Variants in DPP6 observed in about 807,000 individuals in gnomAD.
DPP6 encodes the protein A-type potassium channel modulatory protein DPP6.
DPP6 carries 69 observed loss-of-function variants against 122.6 expected under a neutral mutation model. The observed-to-expected ratio is 0.56, with a 90% CI of 0.46 to 0.69. DPP6 has a LOEUF of 0.69. DPP6 is among the 30% of genes least tolerant of loss of function. DPP6 has a pLI of 0.00. For missense variants in DPP6, 928 were observed against 1,116.9 expected (o/e 0.83, Z 2.41); for synonymous variants, 418 against 433.1 (o/e 0.97, Z 0.43).
At chr7:154,194,310 T>C (rs1316132831) in intron 1 of DPP6, among the ~76,000 whole-genome samples, 1 of 152,158 alleles carries the variant, frequency 6.6e-6, no homozygotes, top group African/African-American at 2.4e-5. Context: ...TAGAAGGGAA[T>C]TATCATAAAA....
At chr7:154,218,005 C>G (rs1349959055) in intron 1 of DPP6, among the ~76,000 whole-genome samples, 3 of 152,190 alleles carry the variant, frequency 2.0e-5, no homozygotes, top group African/African-American at 4.8e-5. Flanking sequence ...CCTTATTTCT[C>G]TCAGCATCCT....
chr7:153,905,034 G>GA (rs1355933942), intron 1 of DPP6, among the ~76,000 whole-genome samples: 1 of 152,240 alleles, frequency 6.6e-6, no homozygotes, highest in African/African-American at 2.4e-5. Context: ...CAGTGAGGGG[G>GA]AAAGCCCAGT....
chr7:154,834,857 C>T (rs943140844), intron 16 of DPP6, among the ~76,000 whole-genome samples: 5 of 152,190 alleles, frequency 3.3e-5, no homozygotes, highest in Admixed American at 1.3e-4. Flanking sequence ...GAGAAAGACT[C>T]TAGGAGACAC....
At chr7:154,217,852 C>G (rs952660211) in intron 1 of DPP6, among the ~76,000 whole-genome samples, 2 of 152,158 alleles carry the variant, frequency 1.3e-5, no homozygotes, top group Non-Finnish European at 2.9e-5. Flanking sequence ...GGGCTTGGTT[C>G]CTCCACGCTG....
chr7:154,445,268 C>T (rs7782662), intron 1 of DPP6, among the ~76,000 whole-genome samples: 29,097 of 152,020 alleles, frequency 0.19, 3,926 homozygotes, highest in African/African-American at 0.39. Flanking sequence ...GAAGTGGTCC[C>T]TTTGCAGTGT....
chr7:154,651,068 G>C (rs1212856074), intron 6 of DPP6, among the ~76,000 whole-genome samples: 3 of 152,168 alleles, frequency 2.0e-5, no homozygotes, highest in African/African-American at 4.8e-5. Flanking sequence ...CAGTGTTAAT[G>C]TATGCACTCA....
At chr7:154,435,591 C>A (rs1818795396) in intron 1 of DPP6, among the ~76,000 whole-genome samples, 1 of 152,178 alleles carries the variant, frequency 6.6e-6, no homozygotes, top group African/African-American at 2.4e-5. Context: ...TGTGCACCCC[C>A]CAGGCTCCTG....
intron 1 of DPP6, among the ~76,000 whole-genome samples, chr7:154,151,709 C>G (rs1233922970): frequency 6.6e-6 from 1 of 151,918 alleles, no homozygotes; most frequent in Non-Finnish European, 1.5e-5. Flanking sequence ...CAGCTGGTCT[C>G]CAGTTGGGAC....
At position 154,669,396 on chromosome 7, in the gene DPP6, T is replaced by C; in HGVS notation, c.717T>C (p.Asn239=). ...PQSLDPPEVS[N]AKLQYAGWGP... ...GTCTGGACCCACCAGAAGTCAGCAA[T>C]GCAAAACTTCAGTATGCAGGATGGG... The change falls in exon 7 of 26, where the codon AAT becomes AAC. Residue 239 remains asparagine, a synonymous_variant. Coordinates refer to ENST00000377770, the MANE Select transcript of DPP6 (RefSeq NM_130797.4). The C allele has an allele frequency of 6.4e-7, 1 of 1,557,000 alleles. No individual in the cohort carries two copies. The highest frequency in any genetic ancestry group is 8.7e-7 in the Non-Finnish European group (1 of 1,149,568).
chr7:154,300,105 A>G (rs1467683910), intron 1 of DPP6, among the ~76,000 whole-genome samples: 1 of 152,202 alleles, frequency 6.6e-6, no homozygotes, highest in East Asian at 1.9e-4. Context: ...TTGCTAATAG[A>G]ATTGGGCAAA....
At chr7:154,510,919 C>G (rs554961901) in intron 3 of DPP6, among the ~76,000 whole-genome samples, 14 of 130,370 alleles carry the variant, frequency 1.1e-4, no homozygotes, top group Admixed American at 9.7e-4. Context: ...GACTCTCTTA[C>G]ACATACACAC....
chr7:154,769,542 C>A lies in DPP6; in HGVS notation c.1009C>A (p.Pro337Thr), dbSNP rs752023595. The A allele has an allele frequency of 2.5e-5, 40 of 1,611,654 alleles. No individual in the cohort carries two copies. Among genetic ancestry groups the A allele is most frequent in the Non-Finnish European group, 3.3e-5 (39 of 1,178,568 alleles). Residue 337 changes from proline (P) to threonine (T), a missense_variant, in exon 9 of 26, where the codon CCC (proline) becomes ACC (threonine). Transcript: ENST00000377770. ...CCCAACTTACACCGGCTCCATCTAC[C>A]CCACCGTGAAGCCCTACCACTATCC... ...ELPTYTGSIY[P>T]TVKPYHYPKA...
intron 9 of DPP6, among the ~76,000 whole-genome samples, chr7:154,770,163 C>T (rs1796170692): frequency 6.6e-6 from 1 of 152,084 alleles, no homozygotes. Context: ...TAAGACATAC[C>T]CAAGACTCAG....
At chr7:154,525,923 T>A (rs1827372709) in intron 3 of DPP6, among the ~76,000 whole-genome samples, 2 of 152,222 alleles carry the variant, frequency 1.3e-5, no homozygotes, top group African/African-American at 4.8e-5. Context: ...TTCCTTGATA[T>A]GCTAAAGGGC....
At position 154,874,557 on chromosome 7, in the gene DPP6, C is replaced by G. The variant is rs73728633; in HGVS notation, c.1884-1349C>G. On this transcript the variant is annotated intron_variant, in intron 19 of 25. Coordinates refer to ENST00000377770, the MANE Select transcript of DPP6 (RefSeq NM_130797.4). ...ATCCAAAAGAAAACAAAGGCACACT[C>G]GACATAGAGCAGCACCATGACTCAC... Among the ~76,000 whole-genome samples the G allele has an allele frequency of 3.7e-4, 56 of 152,334 alleles. No homozygotes were observed. The East Asian group carries it at 4.6e-3, about 13-fold the overall frequency.
chr7:154,663,790 A>C (rs4960582), intron 6 of DPP6, among the ~76,000 whole-genome samples: 1 of 56,378 alleles, frequency 1.8e-5, no homozygotes, highest in African/African-American at 6.3e-5. Flanking sequence ...CGTATCGGCC[A>C]TAGTGTTCAT....
At position 154,706,961 on chromosome 7, in the gene DPP6, T is replaced by A. The variant is rs755680727; in HGVS notation, c.763-20806T>A. Among the ~76,000 whole-genome samples the A allele has an allele frequency of 2.6e-5, 4 of 152,212 alleles. No individual in the cohort carries two copies. In the South Asian group the frequency reaches 6.2e-4, roughly 24 times the overall value. On this transcript the variant is annotated intron_variant, in intron 7 of 25. Coordinates refer to ENST00000377770, the MANE Select transcript of DPP6 (RefSeq NM_130797.4). The stretch of plus-strand genomic sequence containing the variant: ...TGATGTTTTGAAAGAAGGAATGATA[T>A]GAGTACTTTCTGGTAGGAAGAGCAA...
intron 1 of DPP6, among the ~76,000 whole-genome samples, chr7:154,127,597 T>TCACACACACACACACACACACACACACA (rs71182879): frequency 3.7e-5 from 5 of 136,742 alleles, no homozygotes; most frequent in African/African-American, 1.5e-4. Context: ...GAGCAGCATC[T>TCACACACACACACACACACACACACACA]CACACACACA....
chr7:154,151,735 C>A (rs573418977), intron 1 of DPP6, among the ~76,000 whole-genome samples: 10 of 151,514 alleles, frequency 6.6e-5, no homozygotes, highest in African/African-American at 2.4e-4. Context: ...CAGTGCCTCC[C>A]GTCTCCCCTA....
Sources: gnomAD v4.1 joint callset for allele counts (sites outside exome capture counted in the v4.1 genomes callset) on GRCh38, gnomAD v4.1.1 for gene constraint, MANE v1.5 for transcripts, NCBI Gene and HGNC (gene_info 2026-07-23, HGNC 2026-07-21) for gene names.